The following DHRSX variants were observed in gnomAD, a reference collection of about 807,000 sequenced individuals.
The protein encoded by DHRSX is polyprenol dehydrogenase.
DHRSX carries 31 observed loss-of-function variants against 34.0 expected under a neutral mutation model. That is an observed-to-expected ratio of 0.91 (90% CI 0.69 to 1.23). DHRSX has a LOEUF of 1.23. Ranked by LOEUF, DHRSX falls within the 50% of genes most tolerant of loss-of-function variation. The pLI is 0.00. For missense variants in DHRSX, 414 were observed against 428.1 expected (o/e 0.97, Z 0.29); for synonymous variants, 201 against 183.8 (o/e 1.09, Z -0.76).
intron 3 of DHRSX, among the ~76,000 whole-genome samples, chrX:2,364,583 C>G (rs2042976133): frequency 6.6e-6 from 1 of 152,214 alleles, no homozygotes; most frequent in Admixed American, 6.5e-5. Flanking sequence ...ACCTACTTAT[C>G]TACCGTCTAT....
At position 2,220,951 on chromosome X, in the gene DHRSX, G is replaced by C; in HGVS notation, c.*90C>G. The C allele has an allele frequency of 7.5e-7, 1 of 1,340,968 alleles. No homozygotes were observed. The highest frequency in any genetic ancestry group is 1.0e-6 in the Non-Finnish European group (1 of 967,002). 83.1% of individuals were successfully genotyped at this position (1,340,968 alleles called of 1,614,324 possible). A position where few individuals can be genotyped will look rare whatever the true frequency, so the allele number is the denominator to read the frequency against. ...GAGCCCTGTGGGCAGGTGGGTGTGA[G>C]AAACTCAAACACCGCAGTCTTCACA... On this transcript the variant is annotated 3_prime_UTR_variant, in exon 7 of 7. Coordinates refer to ENST00000334651, the MANE Select transcript of DHRSX (RefSeq NM_145177.3).
intron 1 of DHRSX, among the ~76,000 whole-genome samples, chrX:2,477,642 T>G (rs1309935786): frequency 6.6e-6 from 1 of 151,942 alleles, no homozygotes; most frequent in East Asian, 1.9e-4. Context: ...GGTCAGGAGT[T>G]CGAGACCAAC....
At chrX:2,315,632 A>G (rs978598846) in intron 3 of DHRSX, among the ~76,000 whole-genome samples, 1 of 152,112 alleles carries the variant, frequency 6.6e-6, no homozygotes, top group African/African-American at 2.4e-5. Flanking sequence ...CTGCGTAACA[A>G]AACGCCCCAA....
At chrX:2,347,825 T>C (rs1239279650) in intron 3 of DHRSX, among the ~76,000 whole-genome samples, 1 of 152,216 alleles carries the variant, frequency 6.6e-6, no homozygotes, top group Non-Finnish European at 1.5e-5. Flanking sequence ...ATACGGTACA[T>C]GGATGTCATA....
At chrX:2,500,418 TG>T in intron 1 of DHRSX, 1 of 170,178 alleles carries the variant, frequency 5.9e-6, no homozygotes, top group Non-Finnish European at 1.3e-5. Flanking sequence ...CAGAGCCGCC[TG>T]ATGTCTTGGG....
At chrX:2,340,162 G>A (rs1210683839) in intron 3 of DHRSX, among the ~76,000 whole-genome samples, 2 of 151,776 alleles carry the variant, frequency 1.3e-5, no homozygotes, top group South Asian at 2.1e-4. Flanking sequence ...ACACGGGGAG[G>A]GGAACATCAC....
intron 2 of DHRSX, among the ~76,000 whole-genome samples, chrX:2,414,744 C>A (rs745555979): frequency 1.3e-5 from 2 of 151,712 alleles, no homozygotes; most frequent in Admixed American, 1.3e-4. Flanking sequence ...ATTATGACAA[C>A]GAACTAGATC....
At chrX:2,262,762 C>T (rs1338532814) in intron 5 of DHRSX, among the ~76,000 whole-genome samples, 1 of 152,238 alleles carries the variant, frequency 6.6e-6, no homozygotes, top group African/African-American at 2.4e-5. Flanking sequence ...CTCGCTCCTT[C>T]CCTCCCACAA....
At chrX:2,397,156 G>A (rs373349591) in intron 3 of DHRSX, among the ~76,000 whole-genome samples, 42 of 151,842 alleles carry the variant, frequency 2.8e-4, no homozygotes, top group African/African-American at 9.4e-4. Flanking sequence ...CGCACACCAC[G>A]CCTGACTAAT....
intron 4 of DHRSX, among the ~76,000 whole-genome samples, chrX:2,273,868 T>C (rs1395491800): frequency 6.6e-6 from 1 of 152,178 alleles, no homozygotes; most frequent in East Asian, 1.9e-4. Context: ...AGGCAGGTGG[T>C]GACCTGTGCT....
intron 4 of DHRSX, among the ~76,000 whole-genome samples, chrX:2,288,159 A>G (rs903494753): frequency 1.3e-5 from 2 of 151,970 alleles, no homozygotes; most frequent in African/African-American, 2.4e-5. Flanking sequence ...GAGAGAGAGA[A>G]AGAGAGAGAA....
At chrX:2,272,823 C>G (rs1366166530) in intron 4 of DHRSX, among the ~76,000 whole-genome samples, 2 of 152,176 alleles carry the variant, frequency 1.3e-5, no homozygotes, top group Non-Finnish European at 2.9e-5. Flanking sequence ...GCAGAACTGC[C>G]TACATTCCTG....
intron 3 of DHRSX, among the ~76,000 whole-genome samples, chrX:2,325,168 C>T (rs930598037): frequency 6.6e-6 from 1 of 152,212 alleles, no homozygotes; most frequent in East Asian, 1.9e-4. Flanking sequence ...CAGCTGGGAG[C>T]TTGTACGGGT....
chrX:2,328,358 G>A (rs2042414673), intron 3 of DHRSX, among the ~76,000 whole-genome samples: 1 of 151,664 alleles, frequency 6.6e-6, no homozygotes, highest in Non-Finnish European at 1.5e-5. Context: ...CACACATTGG[G>A]ACAACCCTGT....
intron 3 of DHRSX, among the ~76,000 whole-genome samples, chrX:2,371,911 C>G (rs1346331308): frequency 1.3e-5 from 2 of 152,210 alleles, no homozygotes; most frequent in Non-Finnish European, 2.9e-5. Flanking sequence ...GCACTCTCTG[C>G]AGGAAAGTCC....
At chrX:2,295,053 G>A (rs192500042) in intron 3 of DHRSX, among the ~76,000 whole-genome samples, 146 of 152,276 alleles carry the variant, frequency 9.6e-4, no homozygotes, top group African/African-American at 3.4e-3. Flanking sequence ...AATACCATTT[G>A]ACCCATCAAT....
intron 1 of DHRSX, among the ~76,000 whole-genome samples, chrX:2,435,461 G>GA (rs10606301): frequency 9.8e-4 from 141 of 144,050 alleles, no homozygotes; most frequent in African/African-American, 1.7e-3. Flanking sequence ...ACCTTAATTG[G>GA]AAAAAAAAAA....
intron 4 of DHRSX, among the ~76,000 whole-genome samples, chrX:2,284,023 TATTC>T (rs765337648): frequency 1.4e-3 from 207 of 152,216 alleles, no homozygotes; most frequent in African/African-American, 4.5e-3. Flanking sequence ...CCTCTGAATT[TATTC>T]ATTCCTTTGA....
At chrX:2,294,502 T>C (rs1000326583) in intron 3 of DHRSX, among the ~76,000 whole-genome samples, 20 of 151,770 alleles carry the variant, frequency 1.3e-4, no homozygotes, top group Non-Finnish European at 2.2e-4. Flanking sequence ...CCATCTCTAC[T>C]AAAAATACAA....
Sources: gnomAD v4.1 joint callset for allele counts (sites outside exome capture counted in the v4.1 genomes callset) on GRCh38, gnomAD v4.1.1 for gene constraint, MANE v1.5 for transcripts, NCBI Gene and HGNC (gene_info 2026-07-23, HGNC 2026-07-21) for gene names.